GRIN2A: variants seen among roughly 807,000 people sequenced by gnomAD.
The protein encoded by GRIN2A is glutamate receptor ionotropic, NMDA 2A.
In GRIN2A, 22 loss-of-function variants were observed where a neutral mutation model predicts 113.4. The observed-to-expected ratio is 0.19, with a 90% CI of 0.14 to 0.28. The LOEUF is 0.28. Ranked by LOEUF, GRIN2A falls within the 10% of genes least tolerant of loss-of-function variation. The probability of loss-of-function intolerance (pLI) is 1.00; values close to 1 mark genes in which losing one functional copy is unlikely to be tolerated. For missense variants in GRIN2A, 1,502 were observed against 1,887.0 expected (o/e 0.80, Z 3.78); for synonymous variants, 827 against 738.4 (o/e 1.12, Z -1.94).
At chr16:9,970,540 T>A (rs2045649846) in intron 2 of GRIN2A, among the ~76,000 whole-genome samples, 1 of 152,212 alleles carries the variant, frequency 6.6e-6, no homozygotes. Flanking sequence ...ATTGTTTAGA[T>A]TCACTTGGCT....
chr16:9,828,279 C>T (rs758056473), intron 9 of GRIN2A, among the ~76,000 whole-genome samples: 23 of 152,174 alleles, frequency 1.5e-4, no homozygotes, highest in Non-Finnish European at 3.2e-4. Flanking sequence ...GACCCTTACT[C>T]AAGCCTCAAT....
At chr16:9,906,138 A>C (rs985911342) in intron 3 of GRIN2A, among the ~76,000 whole-genome samples, 3 of 152,196 alleles carry the variant, frequency 2.0e-5, no homozygotes, top group African/African-American at 7.2e-5. Flanking sequence ...TACTCATATC[A>C]AGCCCACTTG....
chr16:9,977,873 A>G (rs1443052727), intron 2 of GRIN2A, among the ~76,000 whole-genome samples: 1 of 152,152 alleles, frequency 6.6e-6, no homozygotes, highest in Non-Finnish European at 1.5e-5. Flanking sequence ...CTAATTCACA[A>G]AAAAATAAAA....
At chr16:9,882,353 G>A (rs1159887918) in intron 4 of GRIN2A, among the ~76,000 whole-genome samples, 1 of 152,136 alleles carries the variant, frequency 6.6e-6, no homozygotes, top group East Asian at 1.9e-4. Flanking sequence ...AGCAATCATA[G>A]CTTTTGTAAG....
chr16:9,925,208 G>A (rs887974238), intron 3 of GRIN2A, among the ~76,000 whole-genome samples: 3 of 152,196 alleles, frequency 2.0e-5, no homozygotes, highest in Admixed American at 6.5e-5. Context: ...GTTAGGCAGA[G>A]TGAGAGCAAT....
At chr16:10,001,639 A>G (rs2046321782) in intron 2 of GRIN2A, among the ~76,000 whole-genome samples, 1 of 152,156 alleles carries the variant, frequency 6.6e-6, no homozygotes, top group Admixed American at 6.5e-5. Context: ...AAAATCTCCC[A>G]TCTCATCGTT....
chr16:9,944,445 A>G (rs550236264), intron 2 of GRIN2A, among the ~76,000 whole-genome samples: 1 of 151,934 alleles, frequency 6.6e-6, no homozygotes, highest in Non-Finnish European at 1.5e-5. Context: ...TGTCATCATC[A>G]TCCTCCATCA....
intron 2 of GRIN2A, among the ~76,000 whole-genome samples, chr16:10,128,720 G>A (rs527469308): frequency 4.6e-5 from 7 of 152,312 alleles, no homozygotes; most frequent in African/African-American, 1.7e-4. Flanking sequence ...TCTCTATAAA[G>A]CACCATGCGC....
chr16:9,780,034 G>T (rs1226540482), intron 11 of GRIN2A, among the ~76,000 whole-genome samples: 1 of 152,180 alleles, frequency 6.6e-6, no homozygotes, highest in African/African-American at 2.4e-5. Context: ...CTAAATGACT[G>T]GTGGCAACAG....
chr16:10,088,542 C>G (rs2048124977), intron 2 of GRIN2A, among the ~76,000 whole-genome samples: 1 of 152,252 alleles, frequency 6.6e-6, no homozygotes, highest in Non-Finnish European at 1.5e-5. Flanking sequence ...GCGTCTGATC[C>G]TGGGGCCGCG....
chr16:9,904,025 A>G (rs185873553), intron 3 of GRIN2A, among the ~76,000 whole-genome samples: 109 of 152,364 alleles, frequency 7.2e-4, no homozygotes, highest in African/African-American at 2.4e-3. Flanking sequence ...GAGTGGATTT[A>G]GAGACAGGCA....
chr16:9,803,213 T>C (rs1218850209), intron 10 of GRIN2A, among the ~76,000 whole-genome samples: 2 of 152,054 alleles, frequency 1.3e-5, no homozygotes, highest in Non-Finnish European at 2.9e-5. Flanking sequence ...GAGACCAGCT[T>C]GACCAACATG....
At chr16:9,963,317 A>G (rs181351578) in intron 2 of GRIN2A, among the ~76,000 whole-genome samples, 38 of 152,162 alleles carry the variant, frequency 2.5e-4, no homozygotes, top group African/African-American at 8.9e-4. Context: ...TAGCATGTGC[A>G]GGTTTGTTAC....
At chr16:9,767,074 T>A (rs1192028825) in intron 12 of GRIN2A, among the ~76,000 whole-genome samples, 1 of 152,248 alleles carries the variant, frequency 6.6e-6, no homozygotes, top group East Asian at 1.9e-4. Context: ...AATCCCAGAA[T>A]CATTTGGATA....
chr16:9,847,932 T>C (rs1273378431), intron 5 of GRIN2A, among the ~76,000 whole-genome samples: 1 of 146,546 alleles, frequency 6.8e-6, no homozygotes, highest in East Asian at 2.0e-4. Context: ...TTTATATATA[T>C]ATAAAAATAT....
intron 2 of GRIN2A, among the ~76,000 whole-genome samples, chr16:10,022,185 A>G (rs2046737480): frequency 6.6e-6 from 1 of 151,936 alleles, no homozygotes; most frequent in African/African-American, 2.4e-5. Flanking sequence ...CTTGATAAAT[A>G]TGTGTTGAAT....
chr16:9,864,978 T>A lies in GRIN2A; in HGVS notation c.1123-15017A>T, dbSNP rs180680205. ...GCATGGGTGAAATGCATCGTTATGA[T>A]GAAATGCACACTGATGAGAATTTCA... On this transcript the variant is annotated intron_variant, in intron 4 of 12. Transcript: ENST00000330684. 1.7e-3 allele frequency among the ~76,000 whole-genome samples: 253 copies of A among 152,336 alleles called. 1 individual carries two copies. The highest frequency in any genetic ancestry group is 5.8e-3 in the African/African-American group (240 of 41,576).
At chr16:10,011,809 C>T (rs938071592) in intron 2 of GRIN2A, among the ~76,000 whole-genome samples, 7 of 152,152 alleles carry the variant, frequency 4.6e-5, no homozygotes, top group African/African-American at 1.4e-4. Flanking sequence ...GCTGGTTCAC[C>T]ATGATGCCTG....
chr16:10,122,693 CA>C (rs2048858212), intron 2 of GRIN2A, among the ~76,000 whole-genome samples: 1 of 152,048 alleles, frequency 6.6e-6, no homozygotes, highest in Admixed American at 6.6e-5. Flanking sequence ...AAGGAAGTAG[CA>C]AAGAAACATG....
Sources: gnomAD v4.1 joint callset for allele counts (sites outside exome capture counted in the v4.1 genomes callset) on GRCh38, gnomAD v4.1.1 for gene constraint, MANE v1.5 for transcripts, NCBI Gene and HGNC (gene_info 2026-07-23, HGNC 2026-07-21) for gene names.